VPS13B: variants seen among roughly 807,000 people sequenced by gnomAD.
VPS13B encodes intermembrane lipid transfer protein VPS13B.
Under a neutral mutation model 426.4 loss-of-function variants are expected in VPS13B, and 285 were observed. That is an observed-to-expected ratio of 0.67 (90% CI 0.61 to 0.74). The LOEUF is 0.74. Among genes scored for constraint, VPS13B ranks in the 30% least tolerant of loss-of-function variants. VPS13B has a pLI of 0.00. For missense variants in VPS13B, 4,537 were observed against 4,782.6 expected, an observed-to-expected ratio of 0.95 and a Z score of 1.51; for synonymous variants, 1,676 against 1,676.4, an observed-to-expected ratio of 1.00 and a Z score of 0.01.
chr8:99,444,915 C>A (rs1339177928), intron 23 of VPS13B, among the ~76,000 whole-genome samples: 2 of 152,002 alleles, frequency 1.3e-5, no homozygotes, highest in Non-Finnish European at 2.9e-5. Context: ...TCCAAAAGCA[C>A]TGGGATTATA....
Position 99,784,489 on chromosome 8 carries a change from C to T in VPS13B, c.7941+13C>T. 2 of 1,613,486 alleles carry T rather than the reference C, an allele frequency of 1.2e-6. No homozygotes were observed. Among genetic ancestry groups the T allele is most frequent in the Non-Finnish European group, 1.7e-6 (2 of 1,179,556 alleles). ...CAAATCCCCACAGGTATTTGAGAAA[C>T]ACCCTTACAAACAGCCATTGTTAAG... is the stretch of plus-strand genomic sequence containing the variant. On this transcript the variant is annotated intron_variant, in intron 43 of 61. Transcript: ENST00000357162.
At chr8:99,532,071 A>G (rs1822964684) in intron 30 of VPS13B, among the ~76,000 whole-genome samples, 1 of 152,100 alleles carries the variant, frequency 6.6e-6, no homozygotes, top group African/African-American at 2.4e-5. Flanking sequence ...AACTTGAGAG[A>G]AGTATATTCT....
chr8:99,284,649 C>T (rs1819338834), intron 19 of VPS13B, among the ~76,000 whole-genome samples: 1 of 152,004 alleles, frequency 6.6e-6, no homozygotes, highest in Non-Finnish European at 1.5e-5. Flanking sequence ...CTCCTGGGCC[C>T]AAGAGATCCT....
intron 21 of VPS13B, among the ~76,000 whole-genome samples, chr8:99,392,961 G>C (rs1588325214): frequency 6.6e-6 from 1 of 152,014 alleles, no homozygotes; most frequent in Middle Eastern, 3.4e-3. Context: ...TAAATGTCAT[G>C]TTAAGTTTAA....
intron 3 of VPS13B, among the ~76,000 whole-genome samples, chr8:99,093,196 G>C (rs1846237842): frequency 6.6e-6 from 1 of 151,790 alleles, no homozygotes; most frequent in Non-Finnish European, 1.5e-5. Context: ...AGAGGATTTG[G>C]TTACTGGAAA....
At chr8:99,179,892 T>A (rs778853040) in intron 16 of VPS13B, among the ~76,000 whole-genome samples, 2 of 152,184 alleles carry the variant, frequency 1.3e-5, no homozygotes, top group Non-Finnish European at 2.9e-5. Context: ...ACAATCAAGT[T>A]CTATCTCCTA....
At chr8:99,762,683 C>G (rs1810991913) in intron 39 of VPS13B, among the ~76,000 whole-genome samples, 1 of 152,132 alleles carries the variant, frequency 6.6e-6, no homozygotes, top group South Asian at 2.1e-4. Flanking sequence ...CCAAAGTGTT[C>G]TTTGAGCATG....
At chr8:99,474,073 G>T (rs549246130) in intron 24 of VPS13B, among the ~76,000 whole-genome samples, 1 of 151,910 alleles carries the variant, frequency 6.6e-6, no homozygotes, top group African/African-American at 2.4e-5. Flanking sequence ...GATATTGGGC[G>T]TAATCAAGTT....
intron 19 of VPS13B, among the ~76,000 whole-genome samples, chr8:99,353,512 C>A (rs1335858196): frequency 6.6e-6 from 1 of 151,046 alleles, no homozygotes; most frequent in East Asian, 1.9e-4. Context: ...AAATAAAAAT[C>A]GGTTCATCAA....
At chr8:99,177,572 T>A (rs1348171056) in intron 16 of VPS13B, among the ~76,000 whole-genome samples, 1 of 152,136 alleles carries the variant, frequency 6.6e-6, no homozygotes, top group East Asian at 1.9e-4. Flanking sequence ...AAGAGAGTGT[T>A]GGTCCAATGA....
In VPS13B at chr8:99,861,954, G is replaced by T. The variant is rs1285906381; in HGVS notation, c.11215+8G>T. On this transcript the variant is annotated splice_region_variant and intron_variant, in intron 58 of 61. Coordinates refer to ENST00000357162, the MANE Select transcript of VPS13B (RefSeq NM_152564.5). ...TGGGCATCAGCCTGCTTGGTAAGGG[G>T]CTGCGGGGCCTCCCACCTGTCTGTA... 3 of 1,579,768 alleles carry T rather than the reference G, an allele frequency of 1.9e-6. No individual in the cohort carries two copies. The highest frequency in any genetic ancestry group is 2.7e-5 in the African/African-American group (2 of 74,398).
chr8:99,384,882 T>C (rs1361400830), intron 20 of VPS13B, among the ~76,000 whole-genome samples: 3 of 152,190 alleles, frequency 2.0e-5, no homozygotes, highest in Admixed American at 1.3e-4. Context: ...GTTTCACCTG[T>C]TGGCCAGGCT....
chr8:99,617,553 C>T (rs930038301), intron 33 of VPS13B, among the ~76,000 whole-genome samples: 1 of 152,158 alleles, frequency 6.6e-6, no homozygotes, highest in Admixed American at 6.5e-5. Context: ...TCTCGAACTC[C>T]TGACCTCGGG....
chr8:99,763,494 T>TG (rs1747715956), intron 39 of VPS13B, among the ~76,000 whole-genome samples: 4 of 152,222 alleles, frequency 2.6e-5, no homozygotes, highest in Admixed American at 2.0e-4. Flanking sequence ...AACTATAACA[T>TG]GAAGTATATA....
intron 33 of VPS13B, among the ~76,000 whole-genome samples, chr8:99,639,238 T>C (rs575385440): frequency 3.3e-5 from 5 of 152,200 alleles, no homozygotes; most frequent in Non-Finnish European, 7.3e-5. Context: ...TGTCTGATAC[T>C]GTCACCACAA....
intron 25 of VPS13B, among the ~76,000 whole-genome samples, chr8:99,482,834 A>G (rs1000360954): frequency 6.6e-6 from 1 of 152,158 alleles, no homozygotes; most frequent in African/African-American, 2.4e-5. Context: ...TCTACACAGG[A>G]TCTCTTGAAC....
intron 17 of VPS13B, among the ~76,000 whole-genome samples, chr8:99,232,807 A>C (rs1041730213): frequency 6.6e-6 from 1 of 152,196 alleles, no homozygotes; most frequent in Admixed American, 6.5e-5. Context: ...GAAGCTGCAG[A>C]AGTCCTGGGA....
intron 19 of VPS13B, among the ~76,000 whole-genome samples, chr8:99,361,649 C>T (rs954427820): frequency 1.6e-4 from 25 of 152,172 alleles, no homozygotes; most frequent in African/African-American, 5.8e-4. Context: ...CACACTGAGT[C>T]TTTTCTCCTC....
intron 43 of VPS13B, among the ~76,000 whole-genome samples, chr8:99,789,763 CTATCA>C (rs1347957773): frequency 1.3e-5 from 2 of 151,956 alleles, no homozygotes; most frequent in Non-Finnish European, 2.9e-5. Flanking sequence ...GAAGTCCTAC[CTATCA>C]TATCATATCA....
Sources: gnomAD v4.1 joint callset for allele counts (sites outside exome capture counted in the v4.1 genomes callset) on GRCh38, gnomAD v4.1.1 for gene constraint, MANE v1.5 for transcripts, NCBI Gene and HGNC (gene_info 2026-07-23, HGNC 2026-07-21) for gene names.